Variants in ITPR2 observed in about 807,000 individuals in gnomAD.
ITPR2 encodes inositol 1,4,5-trisphosphate receptor type 2, also known as inositol 1,4,5-trisphosphate-gated calcium channel ITPR2.
In ITPR2, 207 loss-of-function variants were observed where a neutral mutation model predicts 317.1. The ratio of observed to expected loss-of-function variants is 0.65; its 90% confidence interval spans 0.58 to 0.73. The LOEUF (loss-of-function observed/expected upper bound fraction) is 0.73, where lower values mean the gene tolerates loss of function less well. ITPR2 is among the 30% of genes least tolerant of loss of function. The probability of loss-of-function intolerance (pLI) is 0.00; values close to 1 mark genes in which losing one functional copy is unlikely to be tolerated. For synonymous variants in ITPR2, 1,156 were observed against 1,149.1 expected (o/e 1.01, Z -0.12); for missense variants, 2,613 against 3,284.0 (o/e 0.80, Z 4.99).
chr12:26,622,091 G>A, intron 25 of ITPR2, 149 bp downstream of exon 25: 1 of 575,256 alleles, frequency 1.7e-6, no homozygotes, highest in Admixed American at 3.5e-5. Context: ...TCCTGGCATA[G>A]ACAAGGCCAT....
intron 55 of ITPR2, among the ~76,000 whole-genome samples, chr12:26,370,593 A>G (rs1476035185): frequency 6.6e-6 from 1 of 152,250 alleles, no homozygotes; most frequent in African/African-American, 2.4e-5. Flanking sequence ...AAATATAACT[A>G]GCTCCACTAA....
At chr12:26,832,527 G>A (rs1951131331) in intron 1 of ITPR2, among the ~76,000 whole-genome samples, 163 bp downstream of exon 1, 1 of 152,232 alleles carries the variant, frequency 6.6e-6, no homozygotes, top group East Asian at 1.9e-4. Context: ...CCTGCGAGCG[G>A]GCGAGCGAGA....
intron 37 of ITPR2, among the ~76,000 whole-genome samples, chr12:26,497,155 C>CTCTT (rs756035869): frequency 6.0e-5 from 8 of 134,410 alleles, no homozygotes; most frequent in African/African-American, 2.3e-4. Flanking sequence ...ATTTCTCTCT[C>CTCTT]TTTTTTTTTT....
At chr12:26,387,123 A>G (rs1219338530) in intron 55 of ITPR2, among the ~76,000 whole-genome samples, 3 of 152,260 alleles carry the variant, frequency 2.0e-5, no homozygotes, top group Admixed American at 1.3e-4. Context: ...GAAGTGGGAC[A>G]TCAGCAATGA....
intron 39 of ITPR2, among the ~76,000 whole-genome samples, chr12:26,491,687 G>A (rs1942810477): frequency 6.6e-6 from 1 of 152,042 alleles, no homozygotes; most frequent in Admixed American, 6.6e-5. Context: ...TAAGGGGGCA[G>A]AATCACAGAA....
intron 45 of ITPR2, among the ~76,000 whole-genome samples, chr12:26,472,660 TCTC>T (rs1459725956): frequency 2.6e-5 from 4 of 152,180 alleles, no homozygotes; most frequent in Admixed American, 2.0e-4. Context: ...ATATGTCTAT[TCTC>T]CTCTTCAAGC....
intron 1 of ITPR2, among the ~76,000 whole-genome samples, chr12:26,816,223 A>G (rs1319223021): frequency 6.6e-6 from 1 of 152,100 alleles, no homozygotes; most frequent in African/African-American, 2.4e-5. Context: ...TTTTTCAGAT[A>G]TACTACTAAT....
chr12:26,669,609 A>C (rs1418101170), intron 13 of ITPR2, among the ~76,000 whole-genome samples: 1 of 152,256 alleles, frequency 6.6e-6, no homozygotes, highest in East Asian at 1.9e-4. Flanking sequence ...TACAGCTCCC[A>C]GCGTGAGTGA....
intron 50 of ITPR2, among the ~76,000 whole-genome samples, chr12:26,418,677 AATG>A (rs1940798848): frequency 6.6e-6 from 1 of 152,170 alleles, no homozygotes; most frequent in South Asian, 2.1e-4. Context: ...AATAAAATAC[AATG>A]ATTTCAGTAC....
intron 52 of ITPR2, among the ~76,000 whole-genome samples, chr12:26,401,268 A>G (rs1443082100): frequency 6.6e-6 from 1 of 152,116 alleles, no homozygotes; most frequent in Non-Finnish European, 1.5e-5. Context: ...AAAATATTAT[A>G]CTTTGCACAG....
intron 2 of ITPR2, among the ~76,000 whole-genome samples, chr12:26,784,289 C>G (rs149156962): frequency 2.5e-4 from 2 of 8,044 alleles, no homozygotes; most frequent in Non-Finnish European, 6.1e-4. Flanking sequence ...CTCTCCCTCT[C>G]CCTCTCCCTC....
At chr12:26,512,006 T>G (rs1943361975) in intron 37 of ITPR2, among the ~76,000 whole-genome samples, 1 of 152,198 alleles carries the variant, frequency 6.6e-6, no homozygotes, top group Admixed American at 6.5e-5. Flanking sequence ...CTGCCTCATC[T>G]ACTCTTCATC....
intron 48 of ITPR2, among the ~76,000 whole-genome samples, chr12:26,430,380 C>T (rs895667438): frequency 6.6e-6 from 1 of 152,204 alleles, no homozygotes; most frequent in African/African-American, 2.4e-5. Flanking sequence ...TCTCCTGCCT[C>T]AGCCTCCCGA....
chr12:26,655,620 A>AC, intron 20 of ITPR2, 88 bp downstream of exon 20: 1 of 1,188,216 alleles, frequency 8.4e-7, no homozygotes, highest in Non-Finnish European at 1.1e-6. Context: ...TCTCAAAAAA[A>AC]AAAAAAAAAA....
At chr12:26,657,429 T>C in intron 18 of ITPR2, among the ~76,000 whole-genome samples, 2 of 152,252 alleles carry the variant, frequency 1.3e-5, no homozygotes, top group Non-Finnish European at 2.9e-5. Context: ...GCCTCTCATC[T>C]GCCTCCACTC....
At position 26,764,593 on chromosome 12, in the gene ITPR2, T is replaced by A. The variant is rs186019659; in HGVS notation, c.163+25564A>T. Among the ~76,000 whole-genome samples, 334 of 152,154 alleles carry A rather than the reference T, an allele frequency of 2.2e-3. 1 individual carries two copies. The highest frequency in any genetic ancestry group is 7.4e-3 in the African/African-American group (307 of 41,540). ...GTAACAAACCTGCATGTTCTGCACATGTATCCCAGAACTTAAAGTATAATA... is the reference window on the plus strand; with the variant it reads ...GTAACAAACCTGCATGTTCTGCACAAGTATCCCAGAACTTAAAGTATAATA... On this transcript the variant is annotated intron_variant, in intron 2 of 56. Transcript: ENST00000381340.
chr12:26,801,553 C>T (rs1950556244), intron 1 of ITPR2, among the ~76,000 whole-genome samples: 1 of 152,162 alleles, frequency 6.6e-6, no homozygotes, highest in South Asian at 2.1e-4. Context: ...TGGAGGATGC[C>T]TGTCTCTCTC....
chr12:26,589,265 ATAAT>A (rs1375538248), intron 32 of ITPR2, among the ~76,000 whole-genome samples: 1 of 152,210 alleles, frequency 6.6e-6, no homozygotes, highest in Non-Finnish European at 1.5e-5. Context: ...TTTATTAAAA[ATAAT>A]CTTTTGGGAA....
rs115100694 is a variant in ITPR2, at chr12:26,589,929, T to C, written c.4380+5536A>G. On this transcript the variant is annotated intron_variant, in intron 32 of 56. Coordinates refer to ENST00000381340, the MANE Select transcript of ITPR2 (RefSeq NM_002223.4). ...GTCTACTAAAATAAACTGTGCTGGG[T>C]CATCTGCTGCCTGAAGTACTGGGTT... Among the ~76,000 whole-genome samples the C allele has an allele frequency of 6.6e-3, 978 of 148,130 alleles. 19 individuals are homozygous for C. Among genetic ancestry groups the C allele is most frequent in the African/African-American group, 0.023 (928 of 40,036 alleles).
Sources: allele counts gnomAD v4.1 joint callset (sites outside exome capture counted in the v4.1 genomes callset), GRCh38; gene constraint gnomAD v4.1.1; transcripts MANE v1.5; gene names NCBI Gene and HGNC (gene_info 2026-07-23, HGNC 2026-07-21).